The following TRIO variants were observed in gnomAD, a reference collection of about 807,000 sequenced individuals.
TRIO encodes trio Rho guanine nucleotide exchange factor.
Under a neutral mutation model 351.9 loss-of-function variants are expected in TRIO, and 58 were observed. That is an observed-to-expected ratio of 0.16 (90% confidence interval 0.13 to 0.21). The LOEUF (loss-of-function observed/expected upper bound fraction) is 0.21. Among genes scored for constraint, TRIO ranks in the 10% least tolerant of loss-of-function variants. The pLI is 1.00. For synonymous variants in TRIO, 1,758 were observed against 1,595.7 expected (o/e 1.10, Z -2.42); for missense variants, 3,201 against 4,027.8 (o/e 0.79, Z 5.56).
At chr5:14,276,767 G>T (rs1171797782) in intron 2 of TRIO, among the ~76,000 whole-genome samples, 1 of 152,226 alleles carries the variant, frequency 6.6e-6, no homozygotes, top group East Asian at 1.9e-4. Flanking sequence ...TGAAAGGTGA[G>T]CTTCTAATTC....
intron 11 of TRIO, among the ~76,000 whole-genome samples, chr5:14,338,599 C>A (rs1230961668): frequency 1.1e-4 from 16 of 152,218 alleles, no homozygotes; most frequent in South Asian, 2.1e-4. Flanking sequence ...TGGCATAGTT[C>A]ACTAAGCTGT....
intron 27 of TRIO, among the ~76,000 whole-genome samples, chr5:14,392,150 A>G (rs1028558243): frequency 2.6e-5 from 4 of 152,194 alleles, no homozygotes; most frequent in African/African-American, 9.7e-5. Context: ...TGAACAGGCA[A>G]CCAACAGAAT....
chr5:14,426,681 C>A (rs1750668050), intron 34 of TRIO, among the ~76,000 whole-genome samples: 1 of 152,194 alleles, frequency 6.6e-6, no homozygotes, highest in African/African-American at 2.4e-5. Context: ...CGAGTCTCCG[C>A]AGATGGCCGG....
intron 33 of TRIO, among the ~76,000 whole-genome samples, chr5:14,415,063 G>A (rs1410962500): frequency 6.6e-6 from 1 of 152,156 alleles, no homozygotes; most frequent in Non-Finnish European, 1.5e-5. Flanking sequence ...TCACGGAACC[G>A]CAAGACCCTT....
chr5:14,502,900 A>G (rs1757396983), intron 54 of TRIO, among the ~76,000 whole-genome samples: 1 of 152,162 alleles, frequency 6.6e-6, no homozygotes, highest in Non-Finnish European at 1.5e-5. Flanking sequence ...ATGGGGAGAA[A>G]TTGCTTCCCT....
chr5:14,472,577 A>G lies in TRIO; in HGVS notation c.5913-15A>G. On this transcript the variant is annotated splice_polypyrimidine_tract_variant and intron_variant, in intron 38 of 56. Transcript: ENST00000344204. ...GAAAACAGTTTGCATGATAAACAAT[A>G]TTTTTTCTCTCCAGCTACGTTTTGC... is the stretch of plus-strand genomic sequence containing the variant. The G allele has an allele frequency of 1.2e-6, 2 of 1,613,618 alleles. No homozygotes were observed. Among genetic ancestry groups the G allele is most frequent in the Non-Finnish European group, 8.5e-7 (1 of 1,179,728 alleles).
chr5:14,333,764 G>C (rs1285842901), intron 10 of TRIO, among the ~76,000 whole-genome samples: 4 of 152,116 alleles, frequency 2.6e-5, no homozygotes, highest in African/African-American at 9.7e-5. Context: ...TTGTCTGCTT[G>C]AGTCCTACCA....
chr5:14,190,105 G>T (rs2152147618), intron 1 of TRIO, among the ~76,000 whole-genome samples: 1 of 152,124 alleles, frequency 6.6e-6, no homozygotes, highest in African/African-American at 2.4e-5. Context: ...ATTGTAAGTG[G>T]GTCTATAGAG....
intron 39 of TRIO, 128 bp from the exon 40 acceptor site, chr5:14,473,866 T>G (rs1754856630): frequency 2.5e-6 from 2 of 807,964 alleles, no homozygotes; most frequent in South Asian, 4.7e-5. Context: ...TTGTTTGTTT[T>G]TAGACAAAGA....
At chr5:14,336,383 A>G (rs774768983) in intron 10 of TRIO, among the ~76,000 whole-genome samples, 153 bp from the exon 11 acceptor site, 17 of 152,234 alleles carry the variant, frequency 1.1e-4, no homozygotes, top group Admixed American at 2.6e-4. Context: ...TAGAATTCCC[A>G]AAATCATCTC....
Position 14,488,042 on chromosome 5 carries a change from C to T in TRIO, c.7414C>T (p.Pro2472Ser), listed in dbSNP as rs753162969. Residue 2472 changes from proline to serine, a missense_variant, in exon 48 of 57, where the codon CCC becomes TCC. Around this residue, in one of 19 missense-constraint regions of TRIO, gnomAD observed 1,089 missense variants for 954.9 expected, o/e 1.14. Coordinates refer to ENST00000344204, the MANE Select transcript of TRIO (RefSeq NM_007118.4). ...SSAVPSLGKE[P>S]FPPSSPLQKG... ...CGCGGTCCCTTCTCTCGGCAAGGAG[C>T]CCTTCCCCCCCAGCAGCCCCCTGCA... The T allele has an allele frequency of 1.2e-6, 2 of 1,607,516 alleles. No homozygotes were observed. The highest frequency in any genetic ancestry group is 3.3e-5 in the Admixed American group (2 of 59,728).
At chr5:14,411,996 T>C (rs1561459827) in intron 33 of TRIO, among the ~76,000 whole-genome samples, 1 of 151,252 alleles carries the variant, frequency 6.6e-6, no homozygotes, top group Admixed American at 6.6e-5. Context: ...TCTTTCTTTT[T>C]TTTTTTTTTG....
intron 1 of TRIO, among the ~76,000 whole-genome samples, chr5:14,174,333 C>T (rs1473657769): frequency 1.3e-5 from 2 of 152,110 alleles, no homozygotes; most frequent in Admixed American, 1.3e-4. Context: ...GTGGTATAAC[C>T]CCACCTCACC....
intron 21 of TRIO, among the ~76,000 whole-genome samples, chr5:14,385,503 A>C (rs1320925585): frequency 6.6e-6 from 1 of 152,248 alleles, no homozygotes; most frequent in Non-Finnish European, 1.5e-5. Context: ...AATACAGAGC[A>C]GTGTGTGTTG....
Position 14,471,380 on chromosome 5 carries a change from C to T in TRIO, c.5826C>T (p.Phe1942=), listed in dbSNP as rs778812764. The T allele has an allele frequency of 2.2e-5, 35 of 1,614,068 alleles. No homozygotes were observed. Among genetic ancestry groups the T allele is most frequent in the Non-Finnish European group, 2.9e-5 (34 of 1,180,040 alleles). ...AGGGAGATAGTAGCAGCCCTTCCTT[C>T]AACCCTTCGGATAATTCCCTTCTCT... is the stretch of plus-strand genomic sequence containing the variant. The part of the protein sequence containing the change: ...VDQGDSSSPS[F]NPSDNSLLSS... Residue 1942 remains phenylalanine (F), a synonymous_variant, in exon 38 of 57, where the codon TTC becomes TTT. Transcript: ENST00000344204.
At chr5:14,430,500 T>C (rs1207164923) in intron 34 of TRIO, among the ~76,000 whole-genome samples, 2 of 152,158 alleles carry the variant, frequency 1.3e-5, no homozygotes, top group African/African-American at 4.8e-5. Flanking sequence ...ATAGCTTTCA[T>C]GGTGCCCCAT....
intron 18 of TRIO, among the ~76,000 whole-genome samples, chr5:14,370,019 A>G (rs1337023972): frequency 6.6e-6 from 1 of 152,234 alleles, no homozygotes; most frequent in Non-Finnish European, 1.5e-5. Context: ...TGCTTCCGAC[A>G]AGAGAAATGT....
intron 1 of TRIO, among the ~76,000 whole-genome samples, chr5:14,155,772 G>A (rs1313699774): frequency 2.0e-5 from 3 of 152,138 alleles, no homozygotes; most frequent in Non-Finnish European, 4.4e-5. Context: ...TTGATCACTT[G>A]GTTCAGGTGA....
At chr5:14,199,049 C>T (rs1411334961) in intron 1 of TRIO, among the ~76,000 whole-genome samples, 1 of 151,922 alleles carries the variant, frequency 6.6e-6, no homozygotes, top group Non-Finnish European at 1.5e-5. Flanking sequence ...ACCAGTCTGA[C>T]CAACGTGGTG....
Sources: gnomAD v4.1 joint callset for allele counts (sites outside exome capture counted in the v4.1 genomes callset) on GRCh38, gnomAD v4.1.1 for gene constraint, gnomAD v4.1.1 regional missense constraint, MANE v1.5 for transcripts, NCBI Gene and HGNC (gene_info 2026-07-23, HGNC 2026-07-21) for gene names.